The following TENM4 variants were observed in gnomAD, a reference collection of about 807,000 sequenced individuals.
TENM4 encodes teneurin-4.
TENM4 carries 82 observed loss-of-function variants against 243.3 expected under a neutral mutation model. The ratio of observed to expected loss-of-function variants is 0.34; its 90% confidence interval spans 0.28 to 0.40. The LOEUF is 0.40. Among genes scored for constraint, TENM4 ranks in the 10% least tolerant of loss-of-function variants. TENM4 has a pLI of 1.00. For synonymous variants in TENM4, 1,412 were observed against 1,456.3 expected, an observed-to-expected ratio of 0.97 and a Z score of 0.69; for missense variants, 3,138 against 3,673.3, an observed-to-expected ratio of 0.85 and a Z score of 3.77.
chr11:78,970,258 T>C (rs1857513605), intron 6 of TENM4, among the ~76,000 whole-genome samples: 1 of 152,120 alleles, frequency 6.6e-6, no homozygotes, highest in African/African-American at 2.4e-5. Context: ...TGCTCACCTA[T>C]GTGTTCTGGT....
intron 2 of TENM4, among the ~76,000 whole-genome samples, chr11:79,276,079 C>T (rs201811407): frequency 2.0e-5 from 3 of 151,962 alleles, no homozygotes; most frequent in Non-Finnish European, 4.4e-5. Context: ...TCTCACCCAC[C>T]CTCCTCATTT....
chr11:79,125,127 C>G (rs1056866800), intron 4 of TENM4, among the ~76,000 whole-genome samples: 2 of 151,854 alleles, frequency 1.3e-5, no homozygotes, highest in African/African-American at 4.8e-5. Context: ...ACTGATAGTC[C>G]TTGGTGTGAA....
chr11:78,934,736 G>C (rs1052843454), intron 6 of TENM4, among the ~76,000 whole-genome samples: 2 of 152,226 alleles, frequency 1.3e-5, no homozygotes, highest in East Asian at 3.8e-4. Flanking sequence ...TAGGCGGTGG[G>C]AGATGTGTTA....
chr11:79,379,998 T>A (rs1407357227), intron 1 of TENM4, among the ~76,000 whole-genome samples: 1 of 152,102 alleles, frequency 6.6e-6, no homozygotes. Context: ...TTCAGCCCTT[T>A]TCTGTCTCCA....
chr11:78,844,439 C>T (rs903597495), intron 12 of TENM4, among the ~76,000 whole-genome samples: 1 of 152,108 alleles, frequency 6.6e-6, no homozygotes, highest in African/African-American at 2.4e-5. Context: ...TTCAGGAGAT[C>T]GAGACCATCC....
At chr11:79,423,636 A>G (rs914882544) in intron 1 of TENM4, among the ~76,000 whole-genome samples, 1 of 147,194 alleles carries the variant, frequency 6.8e-6, no homozygotes, top group Admixed American at 7.1e-5. Context: ...GGCCTGCTCC[A>G]GAACAAGGGG....
chr11:79,050,158 G>A (rs1186442906), intron 6 of TENM4, among the ~76,000 whole-genome samples: 1 of 152,198 alleles, frequency 6.6e-6, no homozygotes, highest in African/African-American at 2.4e-5. Flanking sequence ...AGGTATTAAA[G>A]GGCATTGTGA....
intron 3 of TENM4, among the ~76,000 whole-genome samples, chr11:79,178,127 G>C (rs148132884): frequency 2.3e-4 from 35 of 152,252 alleles, no homozygotes; most frequent in African/African-American, 7.9e-4. Flanking sequence ...TTGGATGTGG[G>C]ATGTGAGAGA....
intron 19 of TENM4, among the ~76,000 whole-genome samples, chr11:78,739,117 G>A (rs1267596011): frequency 2.6e-5 from 4 of 152,082 alleles, no homozygotes; most frequent in East Asian, 1.9e-4. Flanking sequence ...TCTGACATTC[G>A]AGACAGGAGA....
At chr11:78,842,625 C>A (rs1858286725) in intron 12 of TENM4, among the ~76,000 whole-genome samples, 1 of 152,224 alleles carries the variant, frequency 6.6e-6, no homozygotes, top group Non-Finnish European at 1.5e-5. Flanking sequence ...TGGGTATCAC[C>A]CTCTCATGTA....
intron 18 of TENM4, among the ~76,000 whole-genome samples, chr11:78,763,390 A>G (rs1856473467): frequency 6.6e-6 from 1 of 152,094 alleles, no homozygotes; most frequent in East Asian, 1.9e-4. Flanking sequence ...AGGGGGAAAA[A>G]AAGAAGGGGG....
intron 19 of TENM4, among the ~76,000 whole-genome samples, chr11:78,748,608 A>G (rs957035909): frequency 3.3e-5 from 5 of 152,218 alleles, no homozygotes; most frequent in African/African-American, 9.7e-5. Flanking sequence ...TCTAGAGCCA[A>G]CTGGGCGTGG....
intron 2 of TENM4, among the ~76,000 whole-genome samples, chr11:79,282,767 C>T (rs1007154046): frequency 6.6e-6 from 1 of 151,840 alleles, no homozygotes; most frequent in African/African-American, 2.4e-5. Flanking sequence ...GAAAGTTTTG[C>T]TTCAATGGAG....
At chr11:79,143,024 C>T (rs911958120) in intron 4 of TENM4, among the ~76,000 whole-genome samples, 1 of 152,082 alleles carries the variant, frequency 6.6e-6, no homozygotes, top group Non-Finnish European at 1.5e-5. Context: ...AGTCAGGAAA[C>T]AACATGTGCT....
chr11:78,766,973 CT>C (rs1400030024), intron 18 of TENM4, among the ~76,000 whole-genome samples: 2 of 152,062 alleles, frequency 1.3e-5, no homozygotes, highest in Non-Finnish European at 2.9e-5. Context: ...CAAAGTGTAG[CT>C]TTTTTCTTTT....
At chr11:79,181,437 T>A (rs773650352) in intron 3 of TENM4, among the ~76,000 whole-genome samples, 10 of 152,202 alleles carry the variant, frequency 6.6e-5, no homozygotes, top group Non-Finnish European at 1.5e-4. Flanking sequence ...AGAAGGGAAC[T>A]TCCTCAACTT....
At position 79,327,967 on chromosome 11, in the gene TENM4, G is replaced by T. The variant is rs75942812; in HGVS notation, c.-320-30424C>A. On this transcript the variant is annotated intron_variant, in intron 1 of 33. Transcript: ENST00000278550. The stretch of plus-strand genomic sequence containing the variant: ...GCACTTAATGACAGCCCCACAACCT[G>T]ATCAAGTCCCTTCTGCCACCTTAAG... 3.4e-3 allele frequency among the ~76,000 whole-genome samples: 512 copies of T among 152,276 alleles called. 5 individuals are homozygous for T. Among genetic ancestry groups the T allele is most frequent in the African/African-American group, 0.012 (488 of 41,560 alleles).
chr11:79,424,883 G>A (rs573798521), intron 1 of TENM4, among the ~76,000 whole-genome samples: 2 of 148,338 alleles, frequency 1.3e-5, no homozygotes, highest in East Asian at 2.0e-4. Flanking sequence ...GCAGTGAGCC[G>A]AGATCACACC....
At chr11:79,094,387 A>T (rs532126619) in intron 4 of TENM4, among the ~76,000 whole-genome samples, 1 of 152,282 alleles carries the variant, frequency 6.6e-6, no homozygotes, top group East Asian at 1.9e-4. Context: ...CAGGGGTGTG[A>T]AAAGAGTTGT....
Sources: allele counts gnomAD v4.1 joint callset (sites outside exome capture counted in the v4.1 genomes callset), GRCh38; gene constraint gnomAD v4.1.1; transcripts MANE v1.5; gene names NCBI Gene and HGNC (gene_info 2026-07-23, HGNC 2026-07-21).